UBE2O: variants seen among roughly 807,000 people sequenced by gnomAD.
The protein encoded by UBE2O is ubiquitin conjugating enzyme E2 O, also known as (E3-independent) E2 ubiquitin-conjugating enzyme.
In UBE2O, 15 loss-of-function variants were observed where a neutral mutation model predicts 125.8. The ratio of observed to expected loss-of-function variants is 0.12; its 90% CI spans 0.08 to 0.18. The LOEUF (loss-of-function observed/expected upper bound fraction) is 0.18, where lower values mean the gene tolerates loss of function less well. Among genes scored for constraint, UBE2O ranks in the 10% least tolerant of loss-of-function variants. UBE2O has a pLI of 1.00. For synonymous variants in UBE2O, 708 were observed against 703.2 expected, an observed-to-expected ratio of 1.01 and a Z score of -0.11; for missense variants, 1,280 against 1,723.6, an observed-to-expected ratio of 0.74 and a Z score of 4.56.
intron 1 of UBE2O, among the ~76,000 whole-genome samples, chr17:76,424,489 G>A (rs1328440401): frequency 3.3e-5 from 5 of 152,006 alleles, no homozygotes; most frequent in African/African-American, 2.4e-5. Flanking sequence ...GATTACAGGC[G>A]TGAACCACCG....
intron 1 of UBE2O, among the ~76,000 whole-genome samples, chr17:76,408,289 G>C (rs116720041): frequency 5.7e-4 from 87 of 152,278 alleles, no homozygotes; most frequent in African/African-American, 2.0e-3. Flanking sequence ...ATGCTAACCA[G>C]GTGCTTCCTA....
chr17:76,401,136 A>G lies in UBE2O; in HGVS notation c.769T>C (p.Ser257Pro). The G allele has an allele frequency of 6.2e-7, 1 of 1,613,776 alleles. No homozygotes were observed. The stretch of plus-strand genomic sequence containing the variant: ...ACCTGGCCTGGGTAGAAGCCATAGG[A>G]ATCATCGAAGAAGAGACCCTGCGGG... ...VSDSGLFFDDSYGFYPGQVLI... is the reference protein window; with the variant it reads ...VSDSGLFFDDPYGFYPGQVLI... Residue 257 changes from serine to proline, a missense_variant, in exon 6 of 18, where the codon TCC becomes CCC. Around this residue, in one of 10 missense-constraint regions of UBE2O, gnomAD observed 206 missense variants for 315.7 expected, o/e 0.65. Coordinates refer to ENST00000319380, the MANE Select transcript of UBE2O (RefSeq NM_022066.4).
intron 1 of UBE2O, among the ~76,000 whole-genome samples, chr17:76,406,915 G>T (rs182099976): frequency 1.9e-3 from 282 of 152,126 alleles, no homozygotes; most frequent in African/African-American, 6.4e-3. Context: ...GGCCAGGCTG[G>T]TCTCGAACTC....
At chr17:76,425,897 T>C (rs891142114) in intron 1 of UBE2O, among the ~76,000 whole-genome samples, 1 of 152,234 alleles carries the variant, frequency 6.6e-6, no homozygotes, top group Non-Finnish European at 1.5e-5. Flanking sequence ...GCCGCTCACC[T>C]GTGTCAGATC....
rs762184050 is a variant in UBE2O, at chr17:76,400,172, T to G, written c.1130A>C (p.Gln377Pro). 1.2e-6 allele frequency: 2 copies of G among 1,613,958 alleles called. No individual in the cohort carries two copies. Among genetic ancestry groups the G allele is most frequent in the African/African-American group, 1.3e-5 (1 of 74,928 alleles). Residue 377 changes from glutamine (Q) to proline (P), a missense_variant, in exon 8 of 18, where the codon CAG becomes CCG. By Grantham distance (76) the Gln-to-Pro change is moderately conservative. This residue lies in a region of UBE2O where 141 missense variants were observed against 141.3 expected (regional missense o/e 1.00). Coordinates refer to ENST00000319380, the MANE Select transcript of UBE2O (RefSeq NM_022066.4). This position sits in a 1 kb window ranked among gnomAD's most constrained non-coding sequence, Gnocchi z 4.3. ...AWECPEKNCAQGEGSMAKKVK... is the reference protein window; with the variant it reads ...AWECPEKNCAPGEGSMAKKVK... Reference sequence around the variant, plus strand: ...CTTCTTGGCCATAGAGCCCTCCCCCTGGGCGCAGTTTTTTTCTGGACATTC... The same window carrying G: ...CTTCTTGGCCATAGAGCCCTCCCCCGGGGCGCAGTTTTTTTCTGGACATTC...
chr17:76,423,004 C>T (rs56154175), intron 1 of UBE2O, among the ~76,000 whole-genome samples: 12,517 of 152,246 alleles, frequency 0.082, 707 homozygotes, highest in Non-Finnish European at 0.12. Flanking sequence ...TCCAGTGCCA[C>T]GGGGAAGTGT....
In UBE2O at chr17:76,400,627, C is replaced by T; in HGVS notation, c.895-77G>A. The T allele has an allele frequency of 1.0e-6, 1 of 981,266 alleles. No homozygotes were observed. Among genetic ancestry groups the T allele is most frequent in the Non-Finnish European group, 1.5e-6 (1 of 655,082 alleles). The allele number at this position is 981,266 out of a possible 1,614,324, so 60.8% of individuals were successfully genotyped here. A position where few individuals can be genotyped will look rare whatever the true frequency, so the allele number is the denominator to read the frequency against. ...TCTTTAGCCAGCTGCCCAAAGCCCACTTGACCTCCAGAGCAGGAAACTGAT... is the reference window on the plus strand; with the variant it reads ...TCTTTAGCCAGCTGCCCAAAGCCCATTTGACCTCCAGAGCAGGAAACTGAT... On this transcript the variant is annotated intron_variant, in intron 6 of 17. Coordinates refer to ENST00000319380, the MANE Select transcript of UBE2O (RefSeq NM_022066.4). The surrounding 1 kb of genome is among the most constrained non-coding windows in gnomAD (Gnocchi z 4.3).
intron 3 of UBE2O, among the ~76,000 whole-genome samples, chr17:76,403,308 T>C (rs2072361567): frequency 6.6e-6 from 1 of 152,128 alleles, no homozygotes; most frequent in Non-Finnish European, 1.5e-5. Flanking sequence ...CTTGCTCTAT[T>C]GCCCAGGCTG....
At chr17:76,436,827 G>C (rs546932164) in intron 1 of UBE2O, among the ~76,000 whole-genome samples, 5 of 152,294 alleles carry the variant, frequency 3.3e-5, no homozygotes, top group African/African-American at 1.2e-4. Context: ...GATCAACGAG[G>C]AGCATTTATT....
At position 76,402,715 on chromosome 17, in the gene UBE2O, G is replaced by A. The variant is rs2072350375; in HGVS notation, c.589-16C>T. Reference sequence around the variant, plus strand: ...ACATGAAGGGCTGCAGACCAAGGAGGCAGGGGCAGTGAGACACAGCAGACA... The same window carrying A: ...ACATGAAGGGCTGCAGACCAAGGAGACAGGGGCAGTGAGACACAGCAGACA... On this transcript the variant is annotated splice_polypyrimidine_tract_variant and intron_variant, in intron 3 of 17. Coordinates refer to ENST00000319380, the MANE Select transcript of UBE2O (RefSeq NM_022066.4). The surrounding 1 kb of genome is among the most constrained non-coding windows in gnomAD (Gnocchi z 5.4). The A allele has an allele frequency of 1.2e-6, 2 of 1,607,104 alleles. No individual in the cohort carries two copies. Among genetic ancestry groups the A allele is most frequent in the South Asian group, 2.2e-5 (2 of 90,956 alleles).
At chr17:76,407,246 C>A (rs1878776839) in intron 1 of UBE2O, among the ~76,000 whole-genome samples, 1 of 152,110 alleles carries the variant, frequency 6.6e-6, no homozygotes, top group Non-Finnish European at 1.5e-5. Flanking sequence ...GGGTGAAGAC[C>A]CCTGAAAGGT....
chr17:76,427,163 T>A (rs532159708), intron 1 of UBE2O, among the ~76,000 whole-genome samples: 21 of 152,180 alleles, frequency 1.4e-4, no homozygotes, highest in African/African-American at 4.6e-4. Flanking sequence ...CCACCATCCA[T>A]GTTTGTAATG....
Position 76,399,321 on chromosome 17 carries a change from G to A in UBE2O, c.1628+128C>T. ...CCAGGCACCTACGTTGTCTCGGGTG[G>A]GAGCCCCGGAGCCACTACAAGGCAT... On this transcript the variant is annotated intron_variant, in intron 9 of 17. Transcript: ENST00000319380. The surrounding 1 kb of genome is among the most constrained non-coding windows in gnomAD (Gnocchi z 6.9). 1 of 954,420 alleles carries A rather than the reference G, an allele frequency of 1.0e-6. No homozygotes were observed. 59.1% of individuals were successfully genotyped at this position (954,420 alleles called of 1,614,324 possible).
At chr17:76,412,312 C>A (rs959463842) in intron 1 of UBE2O, among the ~76,000 whole-genome samples, 34 of 152,300 alleles carry the variant, frequency 2.2e-4, no homozygotes, top group African/African-American at 7.0e-4. Context: ...TGAGGTTAGA[C>A]CAGCACTGGA....
chr17:76,439,700 A>G (rs2073050103), intron 1 of UBE2O, among the ~76,000 whole-genome samples: 1 of 152,210 alleles, frequency 6.6e-6, no homozygotes, highest in Non-Finnish European at 1.5e-5. Flanking sequence ...AAACCACTGA[A>G]ATGAACTTCC....
At chr17:76,414,316 C>A (rs1156745018) in intron 1 of UBE2O, among the ~76,000 whole-genome samples, 1 of 152,030 alleles carries the variant, frequency 6.6e-6, no homozygotes, top group African/African-American at 2.4e-5. Flanking sequence ...TAAGACAAGA[C>A]AAGAATACAA....
Position 76,396,484 on chromosome 17 carries a change from A to G in UBE2O, c.2453T>C (p.Ile818Thr). The G allele has an allele frequency of 3.7e-6, 6 of 1,613,850 alleles. No homozygotes were observed. Among genetic ancestry groups the G allele is most frequent in the East Asian group, 2.2e-5 (1 of 44,860 alleles). ...PKSFRELKEA[I>T]KILESLKNMT... ...GTTCTTGAGGCTCTCCAGGATCTTGATGGCCTCTTTCAACTCCCGGAAGCT... is the reference window on the plus strand; with the variant it reads ...GTTCTTGAGGCTCTCCAGGATCTTGGTGGCCTCTTTCAACTCCCGGAAGCT... Residue 818 changes from isoleucine (I) to threonine (T), a missense_variant, in exon 14 of 18, where the codon ATC becomes ACC. By Grantham distance (89) the Ile-to-Thr change is moderately conservative. Transcript: ENST00000319380. This position sits in a 1 kb window ranked among gnomAD's most constrained non-coding sequence, Gnocchi z 6.7.
intron 15 of UBE2O, among the ~76,000 whole-genome samples, chr17:76,392,396 G>A (rs928373641): frequency 1.3e-5 from 2 of 151,996 alleles, no homozygotes; most frequent in East Asian, 3.9e-4. Context: ...CTCCCAAGTA[G>A]CCGGGACTAC....
At chr17:76,406,964 C>T (rs966650594) in intron 1 of UBE2O, among the ~76,000 whole-genome samples, 2 of 152,176 alleles carry the variant, frequency 1.3e-5, no homozygotes, top group Non-Finnish European at 2.9e-5. Context: ...TCCCAAAGTG[C>T]TGGGATTACA....
Sources: gnomAD v4.1 joint callset for allele counts (sites outside exome capture counted in the v4.1 genomes callset) on GRCh38, gnomAD v4.1.1 for gene constraint, gnomAD v4.1.1 regional missense constraint, Gnocchi (gnomAD v3.1) non-coding constraint, MANE v1.5 for transcripts, NCBI Gene and HGNC (gene_info 2026-07-23, HGNC 2026-07-21) for gene names.